Variants in ARMH4 observed in about 807,000 individuals in gnomAD.
ARMH4 encodes armadillo like helical domain containing 4, also known as armadillo-like helical domain-containing protein 4.
ARMH4 carries 49 observed loss-of-function variants against 61.9 expected under a neutral mutation model. The ratio of observed to expected loss-of-function variants is 0.79; its 90% confidence interval spans 0.63 to 1.00. ARMH4 has a LOEUF of 1.00. ARMH4 is among the 50% of genes least tolerant of loss of function. ARMH4 has a pLI of 0.00. For synonymous variants in ARMH4, 368 were observed against 341.5 expected, an observed-to-expected ratio of 1.08 and a Z score of -0.85; for missense variants, 934 against 930.0, an observed-to-expected ratio of 1.00 and a Z score of -0.06.
chr14:58,143,765 CTTTTTTTT>C (rs201034964), intron 1 of ARMH4, among the ~76,000 whole-genome samples: 4 of 120,080 alleles, frequency 3.3e-5, no homozygotes, highest in South Asian at 2.6e-4. Context: ...TGCCCATCCT[CTTTTTTTT>C]TTTTTTTTTT....
intron 4 of ARMH4, among the ~76,000 whole-genome samples, chr14:58,100,240 C>T (rs746311883): frequency 1.1e-4 from 16 of 152,074 alleles, no homozygotes; most frequent in South Asian, 2.1e-4. Flanking sequence ...GAGGAAAAAG[C>T]GTGAAATAGT....
intron 1 of ARMH4, among the ~76,000 whole-genome samples, chr14:58,150,357 T>A (rs1441521933): frequency 6.6e-6 from 1 of 152,182 alleles, no homozygotes; most frequent in Non-Finnish European, 1.5e-5. Flanking sequence ...ATGTGAGAAG[T>A]TTTTTAAGTT....
intron 5 of ARMH4, among the ~76,000 whole-genome samples, chr14:58,041,791 C>T (rs1883714960): frequency 6.6e-6 from 1 of 152,022 alleles, no homozygotes; most frequent in Non-Finnish European, 1.5e-5. Context: ...GCAGGGGTTG[C>T]AATCCTAGTC....
In ARMH4 at chr14:58,011,177, C is replaced by G. The variant is rs993948947; in HGVS notation, c.2121+942G>C. 2.6e-5 allele frequency among the ~76,000 whole-genome samples: 4 copies of G among 152,132 alleles called. No homozygotes were observed. In the East Asian group the frequency reaches 5.8e-4, roughly 22 times the overall value. The stretch of plus-strand genomic sequence containing the variant: ...TATGAACACAAAATAGTCTCATTCT[C>G]AAAAACTATCTGTGCTAAATTTTAC... On this transcript the variant is annotated intron_variant, in intron 6 of 7. Transcript: ENST00000267485.
At chr14:58,038,851 G>A (rs1329828492) in intron 5 of ARMH4, among the ~76,000 whole-genome samples, 1 of 152,172 alleles carries the variant, frequency 6.6e-6, no homozygotes, top group Non-Finnish European at 1.5e-5. Flanking sequence ...CTAAAATTCA[G>A]TTAGAAGTTA....
At chr14:58,065,649 C>T (rs1318805632) in intron 5 of ARMH4, among the ~76,000 whole-genome samples, 3 of 152,248 alleles carry the variant, frequency 2.0e-5, no homozygotes, top group Non-Finnish European at 4.4e-5. Context: ...CATGTTATCA[C>T]CACTTCCTAC....
intron 5 of ARMH4, among the ~76,000 whole-genome samples, chr14:58,058,511 G>T (rs1884421399): frequency 6.6e-6 from 1 of 152,124 alleles, no homozygotes. Context: ...CAGGAAAGGG[G>T]TGAGCAATTC....
intron 1 of ARMH4, among the ~76,000 whole-genome samples, chr14:58,140,244 C>T (rs970640035): frequency 2.8e-5 from 4 of 143,890 alleles, no homozygotes; most frequent in East Asian, 2.0e-4. Context: ...CATTGCACTA[C>T]AGCCTAGGCA....
At chr14:58,071,386 G>A (rs1439811529) in intron 5 of ARMH4, among the ~76,000 whole-genome samples, 1 of 152,074 alleles carries the variant, frequency 6.6e-6, no homozygotes, top group African/African-American at 2.4e-5. Flanking sequence ...TGAGTCACTA[G>A]AGATAGAGCA....
intron 5 of ARMH4, among the ~76,000 whole-genome samples, chr14:58,072,266 T>A (rs1884906016): frequency 6.6e-6 from 1 of 152,206 alleles, no homozygotes; most frequent in African/African-American, 2.4e-5. Flanking sequence ...GAAGCAACTT[T>A]TTTTTCTGAA....
At chr14:58,136,640 A>T (rs1245576678) in intron 2 of ARMH4, among the ~76,000 whole-genome samples, 1 of 152,218 alleles carries the variant, frequency 6.6e-6, no homozygotes, top group Non-Finnish European at 1.5e-5. Context: ...TTTTCTATTA[A>T]TTGGGCTACT....
intron 1 of ARMH4, among the ~76,000 whole-genome samples, chr14:58,149,450 G>C (rs1041820865): frequency 1.8e-4 from 27 of 152,348 alleles, no homozygotes; most frequent in African/African-American, 6.5e-4. Flanking sequence ...CAGCCCCAGA[G>C]CTGGCAGGGA....
intron 4 of ARMH4, among the ~76,000 whole-genome samples, chr14:58,104,764 T>C (rs752065364): frequency 1.3e-5 from 2 of 152,248 alleles, no homozygotes; most frequent in Non-Finnish European, 2.9e-5. Context: ...TCTTGTCCCC[T>C]GGTATATCAC....
chr14:58,087,917 T>A (rs1388584624), intron 5 of ARMH4, among the ~76,000 whole-genome samples: 1 of 152,234 alleles, frequency 6.6e-6, no homozygotes, highest in Non-Finnish European at 1.5e-5. Context: ...TACCTTAAAT[T>A]CTTTTTAGGC....
rs144685373 is a variant in ARMH4 at position 58,139,139 on chromosome 14, G to A, written c.220C>T (p.Pro74Ser). 34 of 1,614,102 alleles carry A rather than the reference G, an allele frequency of 2.1e-5. No homozygotes were observed. In the African/African-American group the frequency reaches 3.7e-4, roughly 18 times the overall value. ...QTPQLVVSED[P>S]MMMSAVPSAT... ...GATGGTACTGCTGACATCATCATTG[G>A]ATCTTCAGAGACCACCAGTTGGGGA... The change falls in exon 2 of 8, where the codon CCA becomes TCA. Residue 74 changes from proline (P) to serine (S), a missense_variant. Coordinates refer to ENST00000267485, the MANE Select transcript of ARMH4 (RefSeq NM_001001872.4).
rs534577596 is a variant in ARMH4, at chr14:58,133,156, G to T, written c.1555C>A (p.Pro519Thr). 1.2e-6 allele frequency: 2 copies of T among 1,614,110 alleles called. No homozygotes were observed. Among genetic ancestry groups the T allele is most frequent in the East Asian group, 2.2e-5 (1 of 44,862 alleles). Residue 519 changes from proline to threonine, a missense_variant, in exon 3 of 8, where the codon CCT becomes ACT. By Grantham distance (38) the Pro-to-Thr change is conservative. Transcript: ENST00000267485. ...GVTQLSRRWE[P>T]LATTISTTVV... ...GTAGTTGAAATTGTAGTGGCCAGAGGCTCCCATCTTCTTGACAGCTGAGTA... is the reference window on the plus strand; with the variant it reads ...GTAGTTGAAATTGTAGTGGCCAGAGTCTCCCATCTTCTTGACAGCTGAGTA...
intron 5 of ARMH4, among the ~76,000 whole-genome samples, chr14:58,073,498 T>G (rs1182162631): frequency 6.6e-6 from 1 of 152,232 alleles, no homozygotes; most frequent in Non-Finnish European, 1.5e-5. Flanking sequence ...TTCACTGACT[T>G]TGAGTTCTAA....
intron 1 of ARMH4, among the ~76,000 whole-genome samples, chr14:58,142,349 T>C (rs1304349649): frequency 6.6e-6 from 1 of 152,220 alleles, no homozygotes; most frequent in Non-Finnish European, 1.5e-5. Context: ...TTTAGTCTTA[T>C]AGGTCCTTTC....
chr14:58,104,841 G>A (rs866287152), intron 4 of ARMH4, among the ~76,000 whole-genome samples: 9 of 152,298 alleles, frequency 5.9e-5, no homozygotes, highest in Admixed American at 1.3e-4. Context: ...ATGAATACAT[G>A]AGTAAATGTA....
Sources: allele counts gnomAD v4.1 joint callset (sites outside exome capture counted in the v4.1 genomes callset), GRCh38; gene constraint gnomAD v4.1.1; transcripts MANE v1.5; gene names NCBI Gene and HGNC (gene_info 2026-07-23, HGNC 2026-07-21).